The following HHAT variants were observed in gnomAD, a reference collection of about 807,000 sequenced individuals.
The protein encoded by HHAT is protein-cysteine N-palmitoyltransferase HHAT.
HHAT carries 47 observed loss-of-function variants against 70.8 expected under a neutral mutation model. That is an observed-to-expected ratio of 0.66 (90% CI 0.53 to 0.85). The LOEUF (loss-of-function observed/expected upper bound fraction) is 0.85, where lower values mean the gene tolerates loss of function less well. HHAT is among the 40% of genes least tolerant of loss of function. HHAT has a pLI of 0.00. For synonymous variants in HHAT, 228 were observed against 247.6 expected (o/e 0.92, Z 0.74); for missense variants, 609 against 604.8 (o/e 1.01, Z -0.07).
At chr1:210,534,149 G>A (rs897631522) in intron 9 of HHAT, among the ~76,000 whole-genome samples, 2 of 152,180 alleles carry the variant, frequency 1.3e-5, no homozygotes, top group African/African-American at 4.8e-5. Flanking sequence ...GTTCTCCTAG[G>A]TGCTGTTCTG....
chr1:210,572,955 A>G (rs946416324), intron 9 of HHAT, among the ~76,000 whole-genome samples: 8 of 152,210 alleles, frequency 5.3e-5, no homozygotes, highest in Admixed American at 2.6e-4. Context: ...TTAAAAGACC[A>G]GAGTTAACTT....
intron 3 of HHAT, chr1:210,374,051 G>C (rs534330287): frequency 2.0e-5 from 3 of 151,984 alleles, no homozygotes; most frequent in African/African-American, 7.3e-5. Context: ...GTCTTTGCAA[G>C]TTCTGTTACA....
At chr1:210,644,377 C>T (rs1289996674) in intron 11 of HHAT, among the ~76,000 whole-genome samples, 7 of 152,052 alleles carry the variant, frequency 4.6e-5, no homozygotes, top group African/African-American at 1.2e-4. Context: ...CCAACGCAGG[C>T]GGATCACCTG....
At chr1:210,494,795 C>T (rs920640035) in intron 8 of HHAT, among the ~76,000 whole-genome samples, 18 of 152,090 alleles carry the variant, frequency 1.2e-4, no homozygotes, top group Admixed American at 9.2e-4. Context: ...TCAGGCTATC[C>T]GCCTGCCTCT....
At chr1:210,350,370 CT>C (rs1345160642) in intron 2 of HHAT, among the ~76,000 whole-genome samples, 1 of 152,216 alleles carries the variant, frequency 6.6e-6, no homozygotes, top group African/African-American at 2.4e-5. Context: ...TTGGGAAGAA[CT>C]GACATCTTGA....
intron 9 of HHAT, among the ~76,000 whole-genome samples, chr1:210,579,642 C>G (rs1658740708): frequency 6.6e-6 from 1 of 152,186 alleles, no homozygotes; most frequent in Admixed American, 6.5e-5. Context: ...AGCAGGTTTA[C>G]TTGACAAGTT....
chr1:210,387,644 G>A, intron 4 of HHAT, 63 bp downstream of exon 4: 1 of 1,288,390 alleles, frequency 7.8e-7, no homozygotes, highest in Non-Finnish European at 1.1e-6. Flanking sequence ...TGAAGAAAGA[G>A]TCCAAGCTAG....
chr1:210,476,204 G>C (rs1385503765), intron 8 of HHAT, among the ~76,000 whole-genome samples: 4 of 152,204 alleles, frequency 2.6e-5, no homozygotes, highest in Admixed American at 2.0e-4. Flanking sequence ...GACAACATTT[G>C]TTTTGTGTTG....
At chr1:210,353,745 G>A (rs533481173) in intron 2 of HHAT, among the ~76,000 whole-genome samples, 2 of 151,286 alleles carry the variant, frequency 1.3e-5, no homozygotes, top group South Asian at 2.1e-4. Context: ...TTTGATCAAC[G>A]GTGCCAGAGA....
intron 8 of HHAT, among the ~76,000 whole-genome samples, chr1:210,490,836 CA>C (rs1260257642): frequency 6.6e-6 from 1 of 151,960 alleles, no homozygotes; most frequent in Admixed American, 6.6e-5. Context: ...AAAACCATTC[CA>C]AAGTAGAGAT....
At chr1:210,544,628 C>G (rs1390770836) in intron 9 of HHAT, among the ~76,000 whole-genome samples, 1 of 152,094 alleles carries the variant, frequency 6.6e-6, no homozygotes, top group Non-Finnish European at 1.5e-5. Flanking sequence ...CCTCCTCAGC[C>G]TCCCAAAATG....
chr1:210,538,969 C>T (rs1187960343), intron 9 of HHAT, among the ~76,000 whole-genome samples: 3 of 152,084 alleles, frequency 2.0e-5, no homozygotes, highest in South Asian at 4.2e-4. Context: ...CCCAACTATT[C>T]AGGAGGCTGA....
At chr1:210,466,324 G>A (rs558085118) in intron 8 of HHAT, among the ~76,000 whole-genome samples, 47 of 152,370 alleles carry the variant, frequency 3.1e-4, no homozygotes, top group African/African-American at 9.4e-4. Flanking sequence ...AATATCACAC[G>A]TTGCCCTGTT....
chr1:210,483,465 G>A (rs2094429134), intron 8 of HHAT, among the ~76,000 whole-genome samples: 1 of 152,112 alleles, frequency 6.6e-6, no homozygotes, highest in Admixed American at 6.6e-5. Context: ...CTTTGAAGTG[G>A]GGCCCTTGGT....
intron 7 of HHAT, 57 bp downstream of exon 7, chr1:210,418,382 C>G (rs2092789681): frequency 6.8e-7 from 1 of 1,469,512 alleles, no homozygotes; most frequent in African/African-American, 1.5e-5. Flanking sequence ...CAGTTAGCAT[C>G]AGAATGGAGC....
At chr1:210,420,635 C>A (rs995416124) in intron 7 of HHAT, among the ~76,000 whole-genome samples, 1 of 151,064 alleles carries the variant, frequency 6.6e-6, no homozygotes, top group Non-Finnish European at 1.5e-5. Flanking sequence ...GCACATGTAC[C>A]CTAAAACTTA....
At chr1:210,461,748 T>A (rs1410893800) in intron 7 of HHAT, among the ~76,000 whole-genome samples, 3 of 152,208 alleles carry the variant, frequency 2.0e-5, no homozygotes, top group Non-Finnish European at 4.4e-5. Context: ...GCTTTAAAAA[T>A]CTTGTGTCTT....
intron 9 of HHAT, among the ~76,000 whole-genome samples, chr1:210,514,255 C>T (rs886530822): frequency 6.6e-6 from 1 of 152,180 alleles, no homozygotes; most frequent in Non-Finnish European, 1.5e-5. Flanking sequence ...GAAATCTCCT[C>T]GGCCTCCCCC....
intron 9 of HHAT, among the ~76,000 whole-genome samples, chr1:210,580,868 A>G (rs1229008412): frequency 2.0e-5 from 3 of 152,104 alleles, no homozygotes; most frequent in Non-Finnish European, 4.4e-5. Context: ...GTCAAATGGT[A>G]TTTCTGGTTC....
Sources: allele counts gnomAD v4.1 joint callset (sites outside exome capture counted in the v4.1 genomes callset), GRCh38; gene constraint gnomAD v4.1.1; transcripts MANE v1.5; gene names NCBI Gene and HGNC (gene_info 2026-07-23, HGNC 2026-07-21).